The following PDE3B variants were observed in gnomAD, a reference collection of about 807,000 sequenced individuals.
The protein encoded by PDE3B is cGMP-inhibited 3',5'-cyclic phosphodiesterase 3B.
PDE3B carries 66 observed loss-of-function variants against 116.8 expected under a neutral mutation model. The ratio of observed to expected loss-of-function variants is 0.56; its 90% confidence interval spans 0.46 to 0.69. The LOEUF is 0.69. PDE3B is among the 30% of genes least tolerant of loss of function. The pLI is 0.00. For synonymous variants in PDE3B, 595 were observed against 533.6 expected (o/e 1.12, Z -1.59); for missense variants, 1,384 against 1,368.1 (o/e 1.01, Z -0.18).
At position 14,698,151 on chromosome 11, in the gene PDE3B, A is replaced by G. The variant is rs1385406573; in HGVS notation, c.978+53098A>G. Among the ~76,000 whole-genome samples the G allele has an allele frequency of 2.0e-5, 3 of 151,820 alleles. 1 individual carries two copies. The highest frequency in any genetic ancestry group is 4.1e-4 in the South Asian group (2 of 4,824). On this transcript the variant is annotated intron_variant, in intron 1 of 15. Transcript: ENST00000282096. ...TAGGTTTGTGTGTATGTGTGTGTAT[A>G]TTATTATTACTATTATTTTTGGTAA...
In PDE3B at chr11:14,861,225, T is replaced by C. The variant is rs782653472; in HGVS notation, c.2745T>C (p.Asn915=). The change falls in exon 14 of 16, where the codon AAT becomes AAC. Residue 915 remains asparagine, a synonymous_variant. Transcript: ENST00000282096. ...AATAGGCAAATGATGTAAATAGTAA[T>C]GGCATAGAATGGAGTAATGAAAATG... ...FNAKANDVNS[N]GIEWSNENDR... The C allele has an allele frequency of 1.9e-6, 3 of 1,612,876 alleles. No homozygotes were observed. The South Asian group carries it at 3.3e-5, about 18-fold the overall frequency.
At chr11:14,858,289 AT>A (rs1287283332) in intron 12 of PDE3B, among the ~76,000 whole-genome samples, 1 of 151,834 alleles carries the variant, frequency 6.6e-6, no homozygotes, top group African/African-American at 2.4e-5. Context: ...AATAATTACT[AT>A]GCTTATTTAA....
chr11:14,880,901 G>T, the PDE3B span: 2 of 818,526 alleles, frequency 2.4e-6, no homozygotes, highest in Non-Finnish European at 3.7e-6. Flanking sequence ...ACATGGTTGG[G>T]TCCTGTTCTC....
intron 1 of PDE3B, among the ~76,000 whole-genome samples, chr11:14,717,752 AAAGAGCTCCTGAAGG>A (rs1855953637): frequency 7.3e-6 from 1 of 136,746 alleles, no homozygotes; most frequent in Non-Finnish European, 1.6e-5. Context: ...GCCTGCCCTA[AAAGAGCTCCTGAAGG>A]AAGCGCTAAA....
rs112601220 is a variant in PDE3B, at chr11:14,864,608, C to T, written c.2887-2898C>T. 3.4e-3 allele frequency among the ~76,000 whole-genome samples: 518 copies of T among 152,284 alleles called. 1 individual carries two copies. Among genetic ancestry groups the T allele is most frequent in the African/African-American group, 0.012 (483 of 41,542 alleles). ...GGAAATCATAAACAGTCTCTCAGAC[C>T]ACAGTGCAATCAAATTAGAACTCAG... is the stretch of plus-strand genomic sequence containing the variant. On this transcript the variant is annotated intron_variant, in intron 14 of 15. Transcript: ENST00000282096.
chr11:14,798,506 G>A (rs1024462054), intron 4 of PDE3B, among the ~76,000 whole-genome samples: 5 of 152,154 alleles, frequency 3.3e-5, no homozygotes, highest in Non-Finnish European at 7.3e-5. Flanking sequence ...AGAACGAATG[G>A]TACTAGCTCC....
chr11:14,707,948 A>T (rs559528176), intron 1 of PDE3B, among the ~76,000 whole-genome samples: 38 of 152,176 alleles, frequency 2.5e-4, no homozygotes, highest in African/African-American at 8.9e-4. Flanking sequence ...AGAAAAGTAT[A>T]CCTATGGAGA....
intron 7 of PDE3B, among the ~76,000 whole-genome samples, chr11:14,823,137 G>A (rs1475680773): frequency 3.9e-5 from 6 of 152,066 alleles, no homozygotes; most frequent in African/African-American, 1.2e-4. Flanking sequence ...GGGACAGGCC[G>A]CCATCTTTGC....
At chr11:14,732,582 A>T (rs1565113082) in intron 1 of PDE3B, among the ~76,000 whole-genome samples, 1 of 152,210 alleles carries the variant, frequency 6.6e-6, no homozygotes, top group African/African-American at 2.4e-5. Flanking sequence ...GAAGTGTTCA[A>T]GATAACTTAC....
chr11:14,771,473 G>A (rs941443857), intron 1 of PDE3B, among the ~76,000 whole-genome samples: 6 of 151,684 alleles, frequency 4.0e-5, no homozygotes, highest in Non-Finnish European at 7.4e-5. Context: ...CTTTTGATAA[G>A]TCTATTCTTT....
At chr11:14,893,041 C>G in the PDE3B span, among the ~76,000 whole-genome samples, 1 of 152,182 alleles carries the variant, frequency 6.6e-6, no homozygotes, top group Non-Finnish European at 1.5e-5. Context: ...GTTTGGGACT[C>G]TTCTAACAGC....
the PDE3B span, among the ~76,000 whole-genome samples, chr11:14,899,084 G>A: frequency 5.9e-5 from 9 of 152,128 alleles, no homozygotes; most frequent in Non-Finnish European, 1.3e-4. Context: ...TGCTAATGCT[G>A]CCATTTTCTG....
intron 2 of PDE3B, among the ~76,000 whole-genome samples, chr11:14,778,938 G>A (rs926367558): frequency 3.0e-4 from 45 of 152,074 alleles, no homozygotes; most frequent in African/African-American, 1.0e-3. Flanking sequence ...AAGATTAGAC[G>A]AATGGCTAAC....
intron 1 of PDE3B, among the ~76,000 whole-genome samples, chr11:14,671,168 A>C (rs1326749866): frequency 6.6e-6 from 1 of 152,200 alleles, no homozygotes; most frequent in African/African-American, 2.4e-5. Flanking sequence ...AATAAATTTC[A>C]GGTAGTTTTA....
At chr11:14,670,015 A>C (rs1281797350) in intron 1 of PDE3B, among the ~76,000 whole-genome samples, 1 of 152,212 alleles carries the variant, frequency 6.6e-6, no homozygotes, top group Non-Finnish European at 1.5e-5. Context: ...CTGAGAATCA[A>C]TAGTGCCTTC....
At chr11:14,852,577 A>G (rs2133983805) in intron 12 of PDE3B, among the ~76,000 whole-genome samples, 1 of 152,350 alleles carries the variant, frequency 6.6e-6, no homozygotes, top group South Asian at 2.1e-4. Context: ...CTAACTTCTC[A>G]TTGTTACGAA....
intron 1 of PDE3B, among the ~76,000 whole-genome samples, chr11:14,728,502 A>G (rs1459227560): frequency 2.0e-5 from 3 of 152,138 alleles, no homozygotes; most frequent in Non-Finnish European, 4.4e-5. Context: ...CAACTCAGTA[A>G]TAGGGCAGTA....
chr11:14,734,268 C>T (rs1173895503), intron 1 of PDE3B, among the ~76,000 whole-genome samples: 1 of 152,076 alleles, frequency 6.6e-6, no homozygotes, highest in Non-Finnish European at 1.5e-5. Context: ...ATTGGGGGTC[C>T]CACTGTGTTT....
rs192093276 is a variant in PDE3B, at chr11:14,707,417, G to A, written c.978+62364G>A. On this transcript the variant is annotated intron_variant, in intron 1 of 15. Transcript: ENST00000282096. Reference sequence around the variant, plus strand: ...AGCCAGGACCTATCTTTCACAGATAGCCTTGGGCATCATTTCTTACTGAGT... The same window carrying A: ...AGCCAGGACCTATCTTTCACAGATAACCTTGGGCATCATTTCTTACTGAGT... Among the ~76,000 whole-genome samples, 8 of 152,080 alleles carry A rather than the reference G, an allele frequency of 5.3e-5. No homozygotes were observed. The East Asian group carries it at 1.5e-3, about 29-fold the overall frequency.
Sources: allele counts gnomAD v4.1 joint callset (sites outside exome capture counted in the v4.1 genomes callset), GRCh38; gene constraint gnomAD v4.1.1; transcripts MANE v1.5; gene names NCBI Gene and HGNC (gene_info 2026-07-23, HGNC 2026-07-21).